Variants in TRPM3 observed in about 807,000 individuals in gnomAD.
The protein encoded by TRPM3 is long transient receptor potential channel 3.
A neutral mutation model predicts 181.2 loss-of-function variants in TRPM3; 77 were observed. That is an observed-to-expected ratio of 0.42 (90% CI 0.35 to 0.51). The LOEUF is 0.51. Among genes scored for constraint, TRPM3 ranks in the 20% least tolerant of loss-of-function variants. The pLI, the probability that TRPM3 is intolerant of heterozygous loss-of-function variation, is 0.01. For synonymous variants in TRPM3, 745 were observed against 796.4 expected, an observed-to-expected ratio of 0.94 and a Z score of 1.09; for missense variants, 1,759 against 2,196.7, an observed-to-expected ratio of 0.80 and a Z score of 3.98.
chr9:71,160,400 T>G (rs765040269), intron 1 of TRPM3, among the ~76,000 whole-genome samples: 2 of 152,178 alleles, frequency 1.3e-5, no homozygotes, highest in Non-Finnish European at 2.9e-5. Context: ...TATCTCTCTC[T>G]ACTTACACAT....
At chr9:71,412,422 C>A (rs959195221) in intron 1 of TRPM3, among the ~76,000 whole-genome samples, 1 of 152,176 alleles carries the variant, frequency 6.6e-6, no homozygotes, top group African/African-American at 2.4e-5. Flanking sequence ...CAAACAACCT[C>A]ATCAAGAAGT....
At chr9:71,271,858 G>A (rs1016044385) in intron 1 of TRPM3, among the ~76,000 whole-genome samples, 2 of 151,988 alleles carry the variant, frequency 1.3e-5, no homozygotes, top group East Asian at 1.9e-4. Context: ...GAAAGAAAGG[G>A]GCAAACTGTA....
At chr9:70,917,292 A>G in intron 1 of TRPM3, 1 of 1,387,774 alleles carries the variant, frequency 7.2e-7, no homozygotes, top group South Asian at 1.2e-5. Context: ...AGGAAGCGAA[A>G]GTGGTATATT....
intron 1 of TRPM3, among the ~76,000 whole-genome samples, chr9:71,230,978 G>A (rs922578066): frequency 2.0e-5 from 3 of 152,040 alleles, no homozygotes; most frequent in Non-Finnish European, 2.9e-5. Context: ...ATTTATACTA[G>A]GTTTCAGAAC....
At chr9:70,860,971 A>G (rs935123311) in intron 3 of TRPM3, among the ~76,000 whole-genome samples, 1 of 152,184 alleles carries the variant, frequency 6.6e-6, no homozygotes, top group Admixed American at 6.6e-5. Flanking sequence ...ATGTCATAGC[A>G]TTATATGATG....
At chr9:70,920,945 G>C (rs904384650) in intron 1 of TRPM3, among the ~76,000 whole-genome samples, 1 of 152,126 alleles carries the variant, frequency 6.6e-6, no homozygotes. Flanking sequence ...ACTGACCAGA[G>C]GAATGTTGCC....
intron 1 of TRPM3, among the ~76,000 whole-genome samples, chr9:71,288,416 T>A (rs2085487739): frequency 6.6e-6 from 1 of 152,120 alleles, no homozygotes; most frequent in African/African-American, 2.4e-5. Flanking sequence ...CACATGTGTA[T>A]ATACAGGGAG....
chr9:71,079,099 G>A (rs958528124), intron 1 of TRPM3, among the ~76,000 whole-genome samples: 6 of 152,122 alleles, frequency 3.9e-5, no homozygotes, highest in Non-Finnish European at 2.9e-5. Context: ...GTGACAAGCT[G>A]CTGTGTTGAG....
chr9:71,128,700 C>T (rs562282322), intron 1 of TRPM3, among the ~76,000 whole-genome samples: 1 of 152,100 alleles, frequency 6.6e-6, no homozygotes, highest in East Asian at 1.9e-4. Flanking sequence ...AAATAACTTA[C>T]GAATTAATAT....
chr9:70,610,570 T>C (rs1475039362), intron 19 of TRPM3, 39 bp downstream of exon 19: 1 of 1,601,194 alleles, frequency 6.2e-7, no homozygotes, highest in South Asian at 1.1e-5. Flanking sequence ...TGGCTCCTTG[T>C]GGCCATCCAC....
chr9:70,796,298 C>T (rs566150793), intron 6 of TRPM3, among the ~76,000 whole-genome samples: 4 of 152,254 alleles, frequency 2.6e-5, no homozygotes, highest in South Asian at 4.2e-4. Flanking sequence ...GTTTCAGGGA[C>T]GAGCTAGGCA....
At chr9:70,874,511 G>A (rs545969004) in intron 1 of TRPM3, among the ~76,000 whole-genome samples, 7 of 152,064 alleles carry the variant, frequency 4.6e-5, no homozygotes, top group Admixed American at 1.3e-4. Flanking sequence ...ATGAGGCTAT[G>A]CTGGTGGGAA....
intron 1 of TRPM3, among the ~76,000 whole-genome samples, chr9:71,256,196 G>T (rs2082660968): frequency 1.3e-5 from 2 of 152,156 alleles, no homozygotes; most frequent in South Asian, 4.1e-4. Flanking sequence ...AAATGGAGTT[G>T]GAATTCAGAT....
At chr9:70,680,595 T>C (rs1055709115) in intron 9 of TRPM3, among the ~76,000 whole-genome samples, 1 of 152,144 alleles carries the variant, frequency 6.6e-6, no homozygotes, top group South Asian at 2.1e-4. Context: ...TCTAGGGAGA[T>C]GACAAACAGG....
intron 5 of TRPM3, among the ~76,000 whole-genome samples, chr9:70,840,631 T>A (rs2094576254): frequency 6.6e-6 from 1 of 151,432 alleles, no homozygotes; most frequent in Non-Finnish European, 1.5e-5. Flanking sequence ...AGAAAAAAAA[T>A]GAGGAGTGAA....
intron 1 of TRPM3, among the ~76,000 whole-genome samples, chr9:70,936,932 A>G (rs890868788): frequency 6.6e-6 from 1 of 152,194 alleles, no homozygotes; most frequent in Admixed American, 6.5e-5. Context: ...CATACAAAAA[A>G]CACACAGCTT....
rs558182169 is a variant in TRPM3, at chr9:71,203,732, A to G, written c.183+242921T>C. Among the ~76,000 whole-genome samples, 10 of 152,304 alleles carry G rather than the reference A, an allele frequency of 6.6e-5. No homozygotes were observed. In the South Asian group the frequency reaches 2.1e-3, roughly 32 times the overall value. On this transcript the variant is annotated intron_variant, in intron 1 of 24. Coordinates refer to the TRPM3 transcript ENST00000357533. ...TGATTTAATACACATGGTACTCTGT[A>G]CAGTGCCTGGAACAGTATGGGGAGC...
intron 19 of TRPM3, 32 bp from the exon 20 acceptor site, chr9:70,603,502 G>A (rs1213223536): frequency 6.2e-7 from 1 of 1,609,410 alleles, no homozygotes; most frequent in Admixed American, 1.7e-5. Flanking sequence ...TGCTCTGGCT[G>A]TTCAGGCCCA....
At chr9:70,750,121 G>A (rs1037518740) in intron 8 of TRPM3, among the ~76,000 whole-genome samples, 2 of 152,162 alleles carry the variant, frequency 1.3e-5, no homozygotes, top group Non-Finnish European at 2.9e-5. Context: ...AGGCTGTACT[G>A]TAAGATTGTA....
Sources: allele counts gnomAD v4.1 joint callset (sites outside exome capture counted in the v4.1 genomes callset), GRCh38; gene constraint gnomAD v4.1.1; transcripts MANE v1.5; gene names NCBI Gene and HGNC (gene_info 2026-07-23, HGNC 2026-07-21).